SPX: variants seen among roughly 807,000 people sequenced by gnomAD.
SPX encodes spexin.
In SPX, 22 loss-of-function variants were observed where a neutral mutation model predicts 19.2. The observed-to-expected ratio is 1.15, with a 90% CI of 0.82 to 1.64. SPX has a LOEUF of 1.64. SPX is among the 40% of genes most tolerant of loss of function. SPX has a pLI of 0.00. For synonymous variants in SPX, 50 were observed against 53.3 expected (o/e 0.94, Z 0.27); for missense variants, 143 against 137.7 (o/e 1.04, Z -0.19).
rs537995131 is a variant in SPX, at chr12:21,531,199, T to G, written c.*4T>G. On this transcript the variant is annotated 3_prime_UTR_variant, in exon 6 of 6. Transcript: ENST00000256969. ...AGACAGTCTGCTTAACTGGTGAAAATATACTGGATTATGTTTAATTATGGT... is the reference window on the plus strand; with the variant it reads ...AGACAGTCTGCTTAACTGGTGAAAAGATACTGGATTATGTTTAATTATGGT... 1.7e-5 allele frequency: 27 copies of G among 1,577,062 alleles called. No homozygotes were observed. In the South Asian group the frequency reaches 3.0e-4, roughly 17 times the overall value.
intron 4 of SPX, 165 bp downstream of exon 4, chr12:21,527,954 C>T (rs1016656908): frequency 7.7e-5 from 49 of 638,248 alleles, no homozygotes; most frequent in Non-Finnish European, 1.1e-4. Context: ...CCCGGGTTGG[C>T]AGCAGCAGCA....
chr12:21,529,975 T>C (rs1268925499), intron 5 of SPX, among the ~76,000 whole-genome samples: 1 of 152,210 alleles, frequency 6.6e-6, no homozygotes, highest in African/African-American at 2.4e-5. Flanking sequence ...GAAAGTGACT[T>C]ATAATGGACA....
At chr12:21,526,716 C>T (rs967836524) in intron 1 of SPX, among the ~76,000 whole-genome samples, 170 bp from the exon 2 acceptor site, 13 of 139,794 alleles carry the variant, frequency 9.3e-5, no homozygotes, top group Admixed American at 5.5e-4. Flanking sequence ...TTCAAGTGGA[C>T]TCTTTGTGAA....
chr12:21,526,512 A>C (rs1426165360), intron 1 of SPX, 34 bp downstream of exon 1: 1 of 1,581,432 alleles, frequency 6.3e-7, no homozygotes, highest in Admixed American at 1.7e-5. Context: ...GAGACTTCTT[A>C]GCTATTTTTT....
intron 4 of SPX, among the ~76,000 whole-genome samples, chr12:21,528,443 T>C (rs2136821416): frequency 6.6e-6 from 1 of 152,282 alleles, no homozygotes; most frequent in South Asian, 2.1e-4. Flanking sequence ...ATTGTAAAGA[T>C]TGAAATGCTA....
intron 5 of SPX, 92 bp downstream of exon 5, chr12:21,529,176 A>T (rs1042088411): frequency 7.8e-7 from 1 of 1,283,988 alleles, no homozygotes; most frequent in African/African-American, 1.5e-5. Context: ...CTCCCCCAGA[A>T]TTTCTTGGCC....
At position 21,527,210 on chromosome 12, in the gene SPX, C is replaced by T. The variant is rs1016540758; in HGVS notation, c.145+18C>T. The T allele has an allele frequency of 1.2e-6, 2 of 1,608,732 alleles. No homozygotes were observed. Among genetic ancestry groups the T allele is most frequent in the Non-Finnish European group, 1.7e-6 (2 of 1,175,244 alleles). On this transcript the variant is annotated intron_variant, in intron 3 of 5. Coordinates refer to ENST00000256969, the MANE Select transcript of SPX (RefSeq NM_030572.4). ...AGGGGCACGTAAGTTCCAAATATTT[C>T]GCTCTTCCTACAATAATGGAAGACC... is the stretch of plus-strand genomic sequence containing the variant.
intron 1 of SPX, 98 bp downstream of exon 1, chr12:21,526,576 T>C: frequency 8.2e-7 from 1 of 1,221,842 alleles, no homozygotes; most frequent in Non-Finnish European, 1.2e-6. Context: ...TTTTAGAGTT[T>C]AAAGGATATT....
At chr12:21,526,551 C>T in intron 1 of SPX, 73 bp downstream of exon 1, 1 of 1,387,688 alleles carries the variant, frequency 7.2e-7, no homozygotes, top group Non-Finnish European at 1.0e-6. Context: ...TTACCTATTT[C>T]ATGTTTAATA....
intron 4 of SPX, chr12:21,528,066 G>A: frequency 2.3e-6 from 1 of 438,036 alleles, no homozygotes; most frequent in South Asian, 2.9e-5. Flanking sequence ...AAGCCTTATT[G>A]GCTTGCGGCT....
chr12:21,527,741 A>C lies in SPX; in HGVS notation c.160A>C (p.Ile54Leu), dbSNP rs1213439984. 1.3e-6 allele frequency: 2 copies of C among 1,567,350 alleles called. No individual in the cohort carries two copies. The highest frequency in any genetic ancestry group is 3.8e-5 in the Admixed American group (2 of 52,112). Residue 54 changes from isoleucine (I) to leucine (L), a missense_variant, in exon 4 of 6, where the codon ATC becomes CTC. Physicochemically the swap from Ile to Leu is conservative, Grantham distance 5. Transcript: ENST00000256969. ...YLKGAQGRRF[I>L]SDQSRRKDLS... ...CGTTTTTGCAGAGGGTCGCCGCTTC[A>C]TCTCCGACCAGAGCCGGAGAAAGGA...
chr12:21,527,916 C>T, intron 4 of SPX, 127 bp downstream of exon 4: 2 of 1,079,446 alleles, frequency 1.9e-6, no homozygotes, highest in South Asian at 1.6e-5. Context: ...CTCTGAGGCG[C>T]CCTCAGATAC....
At chr12:21,526,812 C>A (rs762809938) in intron 1 of SPX, 74 bp from the exon 2 acceptor site, 14 of 1,377,194 alleles carry the variant, frequency 1.0e-5, no homozygotes, top group South Asian at 5.9e-5. Context: ...TTATAATTGT[C>A]CAGGCGTCAA....
chr12:21,531,606 A>C lies in SPX; in HGVS notation c.*411A>C. ...TCCTTCTCTGTTTTCCTTTTATCCC[A>C]TCCCCAAGAATGTGGAAGGAAGGTG... On this transcript the variant is annotated 3_prime_UTR_variant, in exon 6 of 6. Transcript: ENST00000256969. 1 of 152,786 alleles carries C rather than the reference A, an allele frequency of 6.5e-6. No individual in the cohort carries two copies. The highest frequency in any genetic ancestry group is 1.4e-5 in the Non-Finnish European group (1 of 69,340). 9.5% of individuals were successfully genotyped at this position (152,786 alleles called of 1,614,324 possible).
chr12:21,529,794 G>A (rs1943846572), intron 5 of SPX, among the ~76,000 whole-genome samples: 1 of 152,236 alleles, frequency 6.6e-6, no homozygotes, highest in Non-Finnish European at 1.5e-5. Context: ...GTGAAAAGGT[G>A]TGAAATAGTT....
At position 21,527,121 on chromosome 12, in the gene SPX, C is replaced by A. The variant is rs571340318; in HGVS notation, c.88-14C>A. The A allele has an allele frequency of 1.3e-5, 21 of 1,612,882 alleles. No homozygotes were observed. In the Middle Eastern group the frequency reaches 6.6e-4, roughly 51 times the overall value. ...ATGTTTTATTAACTGCTCTTCCCTT[C>A]CCCCGGGCTATAGAGACTGTTGGAG... On this transcript the variant is annotated splice_polypyrimidine_tract_variant and intron_variant, in intron 2 of 5. Coordinates refer to ENST00000256969, the MANE Select transcript of SPX (RefSeq NM_030572.4).
Position 21,531,632 on chromosome 12 carries a change from A to G in SPX, c.*437A>G, listed in dbSNP as rs1185539486. 5 of 153,860 alleles carry G rather than the reference A, an allele frequency of 3.2e-5. No individual in the cohort carries two copies. Among genetic ancestry groups the G allele is most frequent in the African/African-American group, 1.2e-4 (5 of 41,418 alleles). The allele number at this position is 153,860 out of a possible 1,614,324, so 9.5% of individuals were successfully genotyped here. A position where few individuals can be genotyped will look rare whatever the true frequency, so the allele number is the denominator to read the frequency against. On this transcript the variant is annotated 3_prime_UTR_variant, in exon 6 of 6. Coordinates refer to ENST00000256969, the MANE Select transcript of SPX (RefSeq NM_030572.4). Reference sequence around the variant, plus strand: ...TCCCCAAGAATGTGGAAGGAAGGTGAGAAACATGGCAGGATGGGAAATAGG... The same window carrying G: ...TCCCCAAGAATGTGGAAGGAAGGTGGGAAACATGGCAGGATGGGAAATAGG...
Position 21,526,968 on chromosome 12 carries a change from T to C in SPX, c.87+2T>C. 1 of 1,613,958 alleles carries C rather than the reference T, an allele frequency of 6.2e-7. No individual in the cohort carries two copies. ...GGAAACTCCAGCTGCGCTCCGCAGG[T>C]AATCAAATGCAAAATAAAAAATTTT... is the stretch of plus-strand genomic sequence containing the variant. On this transcript the variant is annotated splice_donor_variant, in intron 2 of 5. Transcript: ENST00000256969. LOFTEE classifies it high-confidence loss of function.
At chr12:21,529,976 A>G (rs1468226082) in intron 5 of SPX, among the ~76,000 whole-genome samples, 7 of 152,260 alleles carry the variant, frequency 4.6e-5, no homozygotes, top group African/African-American at 1.2e-4. Flanking sequence ...AAAGTGACTT[A>G]TAATGGACAA....
Sources: allele counts gnomAD v4.1 joint callset (sites outside exome capture counted in the v4.1 genomes callset), GRCh38; gene constraint gnomAD v4.1.1; transcripts MANE v1.5; gene names NCBI Gene and HGNC (gene_info 2026-07-23, HGNC 2026-07-21).